Variants in SMURF1 observed in about 807,000 individuals in gnomAD.
SMURF1 encodes E3 ubiquitin-protein ligase SMURF1.
A neutral mutation model predicts 98.0 loss-of-function variants in SMURF1; 44 were observed. The observed-to-expected ratio is 0.45, with a 90% CI of 0.35 to 0.58. The LOEUF (loss-of-function observed/expected upper bound fraction) is 0.58. Ranked by LOEUF, SMURF1 falls within the 20% of genes least tolerant of loss-of-function variation. The pLI is 0.00. For missense variants in SMURF1, 687 were observed against 938.4 expected, an observed-to-expected ratio of 0.73 and a Z score of 3.50; for synonymous variants, 396 against 374.9, an observed-to-expected ratio of 1.06 and a Z score of -0.65.
chr7:99,072,506 G>A (rs1392576179), intron 1 of SMURF1, among the ~76,000 whole-genome samples: 1 of 152,198 alleles, frequency 6.6e-6, no homozygotes, highest in East Asian at 1.9e-4. Context: ...AGCCAGGCGT[G>A]GTGGCGCAAG....
At chr7:99,055,288 C>G (rs938525779) in intron 5 of SMURF1, among the ~76,000 whole-genome samples, 2 of 151,338 alleles carry the variant, frequency 1.3e-5, no homozygotes, top group Admixed American at 6.6e-5. Context: ...GGCAACATGG[C>G]AAAACCCCAT....
rs1223243485 is a variant in SMURF1, at chr7:99,028,008, A to C, written c.*2576T>G. On this transcript the variant is annotated 3_prime_UTR_variant, in exon 18 of 18. Transcript: ENST00000361368. Reference sequence around the variant, plus strand: ...GGCAGCCTCAGCTCTTCCTACTGAAAGCACTGGCGGAGTGGTGTTAGCTAC... The same window carrying C: ...GGCAGCCTCAGCTCTTCCTACTGAACGCACTGGCGGAGTGGTGTTAGCTAC... The C allele has an allele frequency of 6.6e-6, 1 of 152,630 alleles. No individual in the cohort carries two copies. The highest frequency in any genetic ancestry group is 1.5e-5 in the Non-Finnish European group (1 of 68,036). The allele number at this position is 152,630 out of a possible 1,614,324, so 9.5% of individuals were successfully genotyped here.
At chr7:99,059,408 AAAAT>A (rs1563010547) in intron 3 of SMURF1, among the ~76,000 whole-genome samples, 3,699 of 92,076 alleles carry the variant, frequency 0.04, 407 homozygotes, top group African/African-American at 0.13. Context: ...AAAAAAAAAT[AAAAT>A]AAAATAAAAT....
chr7:99,076,082 T>C (rs1796450725), intron 1 of SMURF1, among the ~76,000 whole-genome samples: 1 of 151,916 alleles, frequency 6.6e-6, no homozygotes, highest in Non-Finnish European at 1.5e-5. Flanking sequence ...AATTTTTTAT[T>C]TTTTATAGCG....
chr7:99,120,898 T>G (rs984080579), intron 1 of SMURF1: 2 of 151,710 alleles, frequency 1.3e-5, no homozygotes, highest in African/African-American at 2.4e-5. Flanking sequence ...AAGATTTGTT[T>G]TTTTTTTTTC....
intron 1 of SMURF1, among the ~76,000 whole-genome samples, chr7:99,108,610 T>TC: frequency 1.5e-4 from 1 of 6,488 alleles, no homozygotes; most frequent in South Asian, 0.012. Flanking sequence ...AAACTCTGTC[T>TC]CAAAAAAAAA....
chr7:99,031,367 T>C (rs1329619249), intron 17 of SMURF1: 1 of 152,226 alleles, frequency 6.6e-6, no homozygotes, highest in African/African-American at 2.4e-5. Context: ...TTCCAGTATT[T>C]GTGCAAAGAA....
chr7:99,120,281 C>T (rs1797579261), intron 1 of SMURF1, among the ~76,000 whole-genome samples: 1 of 152,198 alleles, frequency 6.6e-6, no homozygotes, highest in Non-Finnish European at 1.5e-5. Context: ...GTAAATTACT[C>T]AGTCTCAGGT....
intron 1 of SMURF1, among the ~76,000 whole-genome samples, chr7:99,138,081 C>A (rs1358110): frequency 0.036 from 5,356 of 148,464 alleles, 169 homozygotes; most frequent in East Asian, 0.18. Context: ...AAATAACAAA[C>A]CAGTAATTTA....
intron 1 of SMURF1, among the ~76,000 whole-genome samples, chr7:99,063,283 ATATATATATATATATATATAT>A (rs1563012885): frequency 3.9e-3 from 67 of 17,356 alleles, no homozygotes; most frequent in Middle Eastern, 0.029. Flanking sequence ...ATATATATAT[ATATATATATATATATATATAT>A]AAAAAGAGAC....
Position 99,047,874 on chromosome 7 carries a change from C to T in SMURF1, c.962G>A (p.Cys321Tyr). Residue 321 changes from cysteine (C) to tyrosine (Y), a missense_variant, in exon 10 of 18, where the codon TGC becomes TAC. Cys to Tyr is a radical substitution (Grantham distance 194). Transcript: ENST00000361368. ...PRLHHIMNHQ[C>Y]QLKEPSQPLP... ...CGGCTGGCTGGGCTCCTTGAGTTGG[C>T]ACTGGTGACTTGAGAAGAAGAGATG... The T allele has an allele frequency of 1.9e-6, 3 of 1,613,720 alleles. No individual in the cohort carries two copies. Among genetic ancestry groups the T allele is most frequent in the Non-Finnish European group, 1.7e-6 (2 of 1,180,030 alleles).
At chr7:99,084,962 T>C (rs1796648186) in intron 1 of SMURF1, among the ~76,000 whole-genome samples, 1 of 152,066 alleles carries the variant, frequency 6.6e-6, no homozygotes, top group South Asian at 2.1e-4. Context: ...TGTTTCAAAG[T>C]GTGTAGCAAC....
intron 13 of SMURF1, among the ~76,000 whole-genome samples, chr7:99,039,501 C>A (rs1795292120): frequency 6.6e-6 from 1 of 151,964 alleles, no homozygotes; most frequent in South Asian, 2.1e-4. Flanking sequence ...ATGTGCCACA[C>A]CTGGCTTTTT....
Position 99,061,764 on chromosome 7 carries a change from CATT to C in SMURF1, c.94+32_94+34del, listed in dbSNP as rs752962605. On this transcript the variant is annotated intron_variant, in intron 2 of 17. Coordinates refer to ENST00000361368, the MANE Select transcript of SMURF1 (RefSeq NM_181349.3). ...TAAAATTTCAGAAATACATGCATAA[CATT>C]ATAAGAGGGAAAAAAATAAGTGTTT... 4 of 1,542,504 alleles carry C rather than the reference CATT, an allele frequency of 2.6e-6. No individual in the cohort carries two copies. The South Asian group carries it at 4.7e-5, about 18-fold the overall frequency.
intron 1 of SMURF1, among the ~76,000 whole-genome samples, chr7:99,137,799 T>A (rs577690046): frequency 1.3e-5 from 2 of 152,396 alleles, no homozygotes; most frequent in African/African-American, 4.8e-5. Context: ...GAGGGTGTTT[T>A]TTCCCCCATT....
Position 99,072,055 on chromosome 7 carries a change from G to T in SMURF1, c.56-10218C>A, listed in dbSNP as rs1303778437. 2.0e-5 allele frequency among the ~76,000 whole-genome samples: 3 copies of T among 152,062 alleles called. No homozygotes were observed. The South Asian group carries it at 6.2e-4, about 32-fold the overall frequency. On this transcript the variant is annotated intron_variant, in intron 1 of 17. Coordinates refer to ENST00000361368, the MANE Select transcript of SMURF1 (RefSeq NM_181349.3). ...GACTGCACCACCGCACTCCAGCCTG[G>T]GCAACAGAGTGAGATGCCGTCTCTT...
chr7:99,087,093 G>T (rs1012183895), intron 1 of SMURF1, among the ~76,000 whole-genome samples: 14 of 152,216 alleles, frequency 9.2e-5, no homozygotes, highest in African/African-American at 2.9e-4. Flanking sequence ...AAATGTACTG[G>T]GTGCAGTGGC....
At chr7:99,035,743 C>T (rs754792602) in intron 15 of SMURF1, 27 bp from the exon 16 acceptor site, 1 of 1,609,026 alleles carries the variant, frequency 6.2e-7, no homozygotes, top group Non-Finnish European at 8.5e-7. Context: ...AGGTGAATTA[C>T]TTCCAAAATG....
intron 1 of SMURF1, among the ~76,000 whole-genome samples, chr7:99,110,005 CA>C (rs756145594): frequency 1.6e-4 from 24 of 151,998 alleles, no homozygotes; most frequent in Non-Finnish European, 1.6e-4. Flanking sequence ...ACTAATGACT[CA>C]ACAGAATAAG....
Sources: gnomAD v4.1 joint callset for allele counts (sites outside exome capture counted in the v4.1 genomes callset) on GRCh38, gnomAD v4.1.1 for gene constraint, MANE v1.5 for transcripts, NCBI Gene and HGNC (gene_info 2026-07-23, HGNC 2026-07-21) for gene names.